Variants in RAD51B observed in about 807,000 individuals in gnomAD.
The protein encoded by RAD51B is DNA repair protein RAD51 homolog 2.
A neutral mutation model predicts 42.2 loss-of-function variants in RAD51B; 38 were observed. That is an observed-to-expected ratio of 0.90 (90% CI 0.70 to 1.18). The LOEUF is 1.18. RAD51B is among the 50% of genes most tolerant of loss of function. RAD51B has a pLI of 0.00. For synonymous variants in RAD51B, 154 were observed against 145.2 expected, an observed-to-expected ratio of 1.06 and a Z score of -0.43; for missense variants, 373 against 400.7, an observed-to-expected ratio of 0.93 and a Z score of 0.59.
At chr14:68,258,708 A>G (rs2080811989) in intron 7 of RAD51B, among the ~76,000 whole-genome samples, 1 of 152,076 alleles carries the variant, frequency 6.6e-6, no homozygotes, top group Non-Finnish European at 1.5e-5. Flanking sequence ...CTTCCCACAG[A>G]CTGCCTGTTA....
intron 9 of RAD51B, among the ~76,000 whole-genome samples, chr14:68,438,562 A>G (rs2085203415): frequency 6.6e-6 from 1 of 152,156 alleles, no homozygotes; most frequent in East Asian, 1.9e-4. Context: ...GGAGATCAGA[A>G]ATGATTTCTT....
At chr14:68,311,746 G>A (rs2081972027) in intron 8 of RAD51B, among the ~76,000 whole-genome samples, 1 of 152,138 alleles carries the variant, frequency 6.6e-6, no homozygotes, top group Non-Finnish European at 1.5e-5. Flanking sequence ...AATTAGCTGG[G>A]CATGGTGGCA....
intron 7 of RAD51B, among the ~76,000 whole-genome samples, chr14:68,232,003 C>T (rs946872910): frequency 2.6e-5 from 4 of 151,846 alleles, no homozygotes; most frequent in South Asian, 2.1e-4. Context: ...TTCATATGCT[C>T]AAGTGAAAGA....
chr14:68,125,410 C>A (rs1437596878), intron 7 of RAD51B: 1 of 152,134 alleles, frequency 6.6e-6, no homozygotes, highest in Non-Finnish European at 1.5e-5. Context: ...GGAAGAAAAA[C>A]TGCAATGGAA....
chr14:68,299,414 A>G (rs1441461806), intron 8 of RAD51B, among the ~76,000 whole-genome samples: 1 of 152,136 alleles, frequency 6.6e-6, no homozygotes, highest in African/African-American at 2.4e-5. Flanking sequence ...CCTTGTCATT[A>G]TTCCCTAAAC....
At chr14:67,948,511 A>G (rs74374789) in intron 7 of RAD51B, among the ~76,000 whole-genome samples, 10,793 of 152,204 alleles carry the variant, frequency 0.071, 945 homozygotes, top group African/African-American at 0.21. Context: ...TCCGTGTCAG[A>G]CCATCACAAT....
intron 7 of RAD51B, among the ~76,000 whole-genome samples, chr14:68,246,208 A>G (rs1238301896): frequency 6.6e-6 from 1 of 152,084 alleles, no homozygotes; most frequent in Admixed American, 6.5e-5. Flanking sequence ...CCATTCCATG[A>G]AGCCTCCTGG....
intron 5 of RAD51B, among the ~76,000 whole-genome samples, chr14:67,866,182 C>A (rs887484508): frequency 9.2e-5 from 14 of 152,082 alleles, no homozygotes; most frequent in Admixed American, 2.0e-4. Flanking sequence ...GAAGGGGAAC[C>A]TTTGGATTAA....
intron 7 of RAD51B, among the ~76,000 whole-genome samples, chr14:67,982,472 T>C (rs1302856287): frequency 6.6e-6 from 1 of 152,112 alleles, no homozygotes; most frequent in East Asian, 1.9e-4. Context: ...ATATGTCACC[T>C]TCCATCTTGG....
Position 68,378,283 on chromosome 14 carries a change from A to G in RAD51B, c.854-33141A>G, listed in dbSNP as rs2083411508. On this transcript the variant is annotated intron_variant, in intron 8 of 10. Transcript: ENST00000471583. ...ACTGAAGTATTTCCTGTTTTCAATC[A>G]CTATATGTTAAATTATAAAAAGCAT... 2.0e-5 allele frequency among the ~76,000 whole-genome samples: 3 copies of G among 152,314 alleles called. No individual in the cohort carries two copies. In the East Asian group the frequency reaches 5.8e-4, roughly 29 times the overall value.
In RAD51B at chr14:68,512,073, T is replaced by A. The variant is rs970099524; in HGVS notation, c.1036+43823T>A. On this transcript the variant is annotated intron_variant, in intron 10 of 10. Coordinates refer to the RAD51B transcript ENST00000487270. The stretch of plus-strand genomic sequence containing the variant: ...TTTGGGGAAAGTCTGGTGACTTTTG[T>A]GAGCCTGGGGCATCTTTGGGAAACG... Among the ~76,000 whole-genome samples the A allele has an allele frequency of 1.3e-5, 2 of 152,372 alleles. 1 individual carries two copies. The highest frequency in any genetic ancestry group is 6.8e-3 in the Middle Eastern group (2 of 294).
intron 10 of RAD51B, among the ~76,000 whole-genome samples, chr14:68,590,440 A>G (rs1035940284): frequency 1.3e-5 from 2 of 152,204 alleles, no homozygotes; most frequent in Admixed American, 1.3e-4. Context: ...GGGTGTTCCC[A>G]GTCACCTCCC....
At chr14:68,031,271 A>G (rs1419902098) in intron 7 of RAD51B, among the ~76,000 whole-genome samples, 2 of 152,164 alleles carry the variant, frequency 1.3e-5, no homozygotes, top group Non-Finnish European at 2.9e-5. Flanking sequence ...TTATCAAACC[A>G]TCAGATCTTA....
chr14:68,677,991 C>T (rs536018076), intron 11 of RAD51B, among the ~76,000 whole-genome samples: 1 of 152,294 alleles, frequency 6.6e-6, no homozygotes, highest in East Asian at 1.9e-4. Context: ...CTCCCTTTCC[C>T]GTGCCAGGCT....
chr14:68,430,362 G>C (rs544401227), intron 9 of RAD51B, among the ~76,000 whole-genome samples: 4 of 152,304 alleles, frequency 2.6e-5, no homozygotes, highest in African/African-American at 9.6e-5. Flanking sequence ...TCACGATACT[G>C]ATTCTTCCTA....
intron 10 of RAD51B, among the ~76,000 whole-genome samples, chr14:68,504,136 A>G (rs147242555): frequency 1.1e-3 from 162 of 152,170 alleles, no homozygotes; most frequent in African/African-American, 3.6e-3. Flanking sequence ...AGCTTTAGCA[A>G]TTCTCCCCAA....
chr14:68,058,678 A>G (rs886652173), intron 7 of RAD51B, among the ~76,000 whole-genome samples: 3 of 152,148 alleles, frequency 2.0e-5, no homozygotes, highest in African/African-American at 7.2e-5. Context: ...TGGACATTTA[A>G]GTTATGTTTT....
chr14:68,148,957 A>C (rs1318556873), intron 7 of RAD51B, among the ~76,000 whole-genome samples: 2 of 152,124 alleles, frequency 1.3e-5, no homozygotes, highest in Non-Finnish European at 2.9e-5. Flanking sequence ...TTGAGTCATA[A>C]CCCCACTGTA....
intron 5 of RAD51B, among the ~76,000 whole-genome samples, chr14:67,868,363 C>G (rs971202832): frequency 8.1e-4 from 122 of 150,404 alleles, no homozygotes; most frequent in African/African-American, 2.8e-3. Context: ...CACCCGAATA[C>G]TGTGCTTTTC....
Sources: gnomAD v4.1 joint callset for allele counts (sites outside exome capture counted in the v4.1 genomes callset) on GRCh38, gnomAD v4.1.1 for gene constraint, MANE v1.5 for transcripts, NCBI Gene and HGNC (gene_info 2026-07-23, HGNC 2026-07-21) for gene names.